Variants in CACNB2 observed in about 807,000 individuals in gnomAD.
CACNB2 encodes the protein calcium voltage-gated channel auxiliary subunit beta 2, also known as voltage-dependent L-type calcium channel subunit beta-2.
Under a neutral mutation model 73.3 loss-of-function variants are expected in CACNB2, and 42 were observed. That is an observed-to-expected ratio of 0.57 (90% CI 0.45 to 0.74). The LOEUF is 0.74. CACNB2 is among the 30% of genes least tolerant of loss of function. The probability of loss-of-function intolerance (pLI) is 0.00; values close to 1 mark genes in which losing one functional copy is unlikely to be tolerated. For synonymous variants in CACNB2, 348 were observed against 310.3 expected, an observed-to-expected ratio of 1.12 and a Z score of -1.28; for missense variants, 940 against 853.0, an observed-to-expected ratio of 1.10 and a Z score of -1.27.
intron 2 of CACNB2, among the ~76,000 whole-genome samples, chr10:18,228,438 A>AAAAAAAAAAAG (rs2036090404): frequency 6.7e-6 from 1 of 148,788 alleles, no homozygotes; most frequent in Non-Finnish European, 1.5e-5. Context: ...TACCTCAAAA[A>AAAAAAAAAAAG]AAAAAAAAAA....
chr10:18,217,812 G>C (rs1757218), intron 2 of CACNB2, among the ~76,000 whole-genome samples: 114,443 of 151,630 alleles, frequency 0.75, 44,368 homozygotes, highest in Non-Finnish European at 0.85. Flanking sequence ...AGGAGAGGTG[G>C]GAAGGGGAAC....
intron 2 of CACNB2, chr10:18,206,264 A>C (rs2035088253): frequency 1.3e-5 from 2 of 152,406 alleles, no homozygotes. Flanking sequence ...AGTGCTGGGG[A>C]CTACAGGCGT....
At chr10:18,516,544 C>T (rs1455764481) in intron 7 of CACNB2, among the ~76,000 whole-genome samples, 3 of 152,224 alleles carry the variant, frequency 2.0e-5, no homozygotes, top group African/African-American at 7.2e-5. Flanking sequence ...GGTGTTCTTA[C>T]ACCGCATAGT....
chr10:18,145,018 C>T (rs375625094), intron 1 of CACNB2, among the ~76,000 whole-genome samples: 1 of 152,186 alleles, frequency 6.6e-6, no homozygotes, highest in African/African-American at 2.4e-5. Context: ...TATCTCAGCA[C>T]TCTAGGCCTC....
intron 2 of CACNB2, among the ~76,000 whole-genome samples, chr10:18,387,760 C>CT (rs768014226): frequency 0.011 from 1,548 of 144,866 alleles, 24 homozygotes; most frequent in African/African-American, 0.029. Context: ...TTCTTTCTCT[C>CT]TTTTTTTTTT....
At chr10:18,141,793 G>C (rs2030442758) in intron 1 of CACNB2, among the ~76,000 whole-genome samples, 1 of 152,202 alleles carries the variant, frequency 6.6e-6, no homozygotes, top group South Asian at 2.1e-4. Context: ...TCCTAGCTGC[G>C]GGCTGGCTGT....
At position 18,440,616 on chromosome 10, in the gene CACNB2, G is replaced by A. The variant is rs535491318; in HGVS notation, c.333+38573G>A. Among the ~76,000 whole-genome samples the A allele has an allele frequency of 1.7e-4, 26 of 152,218 alleles. 1 individual carries two copies. Among genetic ancestry groups the A allele is most frequent in the Non-Finnish European group, 3.4e-4 (23 of 68,012 alleles). ...TGATCATGCCACTGCACTCCAGCCT[G>A]GGTGACAGAGCAAGGCCCTATCCCC... is the stretch of plus-strand genomic sequence containing the variant. On this transcript the variant is annotated intron_variant, in intron 3 of 13. Coordinates refer to ENST00000324631, the MANE Select transcript of CACNB2 (RefSeq NM_201596.3).
At chr10:18,506,739 G>C (rs2050508514) in intron 6 of CACNB2, among the ~76,000 whole-genome samples, 192 bp downstream of exon 6, 2 of 152,178 alleles carry the variant, frequency 1.3e-5, no homozygotes. Flanking sequence ...GCTGGAAAAA[G>C]AAGTATGTCA....
At chr10:18,327,114 G>C (rs189701398) in intron 2 of CACNB2, among the ~76,000 whole-genome samples, 1 of 152,000 alleles carries the variant, frequency 6.6e-6, no homozygotes, top group Non-Finnish European at 1.5e-5. Context: ...TTAAAGAATG[G>C]TATCCTAGAA....
At chr10:18,197,377 A>T (rs1320577667) in intron 2 of CACNB2, among the ~76,000 whole-genome samples, 1 of 152,204 alleles carries the variant, frequency 6.6e-6, no homozygotes, top group African/African-American at 2.4e-5. Flanking sequence ...CAGAAAATAC[A>T]ACTCAACCTG....
intron 9 of CACNB2, among the ~76,000 whole-genome samples, chr10:18,522,146 C>G (rs1054396978): frequency 1.3e-5 from 2 of 151,816 alleles, no homozygotes; most frequent in Admixed American, 6.6e-5. Context: ...CAGTCTAATG[C>G]CTGGTGTTCT....
intron 2 of CACNB2, among the ~76,000 whole-genome samples, chr10:18,398,994 G>A (rs1036811390): frequency 5.3e-5 from 8 of 152,100 alleles, no homozygotes; most frequent in Non-Finnish European, 1.0e-4. Flanking sequence ...GAATGAGACC[G>A]GGAATGCGAC....
At chr10:18,230,385 T>A (rs1019861364) in intron 2 of CACNB2, among the ~76,000 whole-genome samples, 1 of 152,218 alleles carries the variant, frequency 6.6e-6, no homozygotes, top group African/African-American at 2.4e-5. Flanking sequence ...TCGATCTTTT[T>A]TTTGTACTGT....
chr10:18,230,321 G>A (rs1443588003), intron 2 of CACNB2, among the ~76,000 whole-genome samples: 2 of 152,168 alleles, frequency 1.3e-5, no homozygotes, highest in Admixed American at 1.3e-4. Flanking sequence ...CAAGAAGAAT[G>A]AACCCTCTCT....
At chr10:18,175,404 A>G (rs924196960) in intron 2 of CACNB2, among the ~76,000 whole-genome samples, 1 of 152,188 alleles carries the variant, frequency 6.6e-6, no homozygotes, top group African/African-American at 2.4e-5. Flanking sequence ...ACGAAGACAG[A>G]TGCATGTCAA....
At position 18,230,429 on chromosome 10, in the gene CACNB2, A is replaced by G. The variant is rs543063614; in HGVS notation, c.213+79454A>G. ...ACATGAATATAAATTCATATGGGGA[A>G]AAGTTTATAGACCATGGTATGATTG... On this transcript the variant is annotated intron_variant, in intron 2 of 13. Transcript: ENST00000324631. 4.3e-4 allele frequency among the ~76,000 whole-genome samples: 65 copies of G among 152,316 alleles called. 2 individuals carry two copies. Among genetic ancestry groups the G allele is most frequent in the African/African-American group, 1.6e-3 (65 of 41,570 alleles).
At chr10:18,518,482 A>T in intron 8 of CACNB2, 66 bp downstream of exon 8, 1 of 1,066,838 alleles carries the variant, frequency 9.4e-7, no homozygotes, top group South Asian at 1.2e-5. Context: ...GCTGCCTCCT[A>T]CTCCCGACCC....
intron 2 of CACNB2, among the ~76,000 whole-genome samples, chr10:18,354,816 TA>T (rs2041846721): frequency 6.6e-6 from 1 of 152,166 alleles, no homozygotes; most frequent in African/African-American, 2.4e-5. Context: ...AGAATTAACC[TA>T]AAGCACAACC....
intron 2 of CACNB2, among the ~76,000 whole-genome samples, chr10:18,287,138 A>G (rs2131737146): frequency 6.6e-6 from 1 of 152,068 alleles, no homozygotes; most frequent in East Asian, 1.9e-4. Context: ...AGACCGGCCT[A>G]GCCAACATAG....
Sources: gnomAD v4.1 joint callset for allele counts (sites outside exome capture counted in the v4.1 genomes callset) on GRCh38, gnomAD v4.1.1 for gene constraint, MANE v1.5 for transcripts, NCBI Gene and HGNC (gene_info 2026-07-23, HGNC 2026-07-21) for gene names.